The following SLC23A2 variants were observed in gnomAD, a reference collection of about 807,000 sequenced individuals.
SLC23A2 encodes the protein Na(+)/L-ascorbic acid transporter 2.
Under a neutral mutation model 73.3 loss-of-function variants are expected in SLC23A2, and 36 were observed. The ratio of observed to expected loss-of-function variants is 0.49; its 90% CI spans 0.38 to 0.65. The LOEUF is 0.65. SLC23A2 is among the 30% of genes least tolerant of loss of function. The pLI is 0.00. For synonymous variants in SLC23A2, 343 were observed against 327.3 expected, an observed-to-expected ratio of 1.05 and a Z score of -0.52; for missense variants, 507 against 841.6, an observed-to-expected ratio of 0.60 and a Z score of 4.92.
chr20:4,902,484 T>G lies in SLC23A2; in HGVS notation c.282A>C (p.Glu94Asp). ...TACACAGGTACCAGGGAGGAACATC[T>G]TCTATGGTATAAATCATGTCTGATC... ...PQRSDMIYTI[E>D]DVPPWYLCIF... Residue 94 changes from glutamate (E) to aspartate (D), a missense_variant, in exon 5 of 17, where the codon GAA becomes GAC. Glu to Asp is a conservative substitution (Grantham distance 45). Around this residue, in one of 5 missense-constraint regions of SLC23A2, gnomAD observed 78 missense variants for 86.7 expected, o/e 0.90. Transcript: ENST00000338244. This position sits in a 1 kb window ranked among gnomAD's most constrained non-coding sequence, Gnocchi z 4.0. 2.5e-6 allele frequency: 4 copies of G among 1,612,638 alleles called. No homozygotes were observed. The highest frequency in any genetic ancestry group is 3.4e-6 in the Non-Finnish European group (4 of 1,179,036).
At chr20:4,887,723 T>C (rs1174548233) in intron 6 of SLC23A2, among the ~76,000 whole-genome samples, 1 of 151,958 alleles carries the variant, frequency 6.6e-6, no homozygotes, top group African/African-American at 2.4e-5. Context: ...ATAGAAAAAG[T>C]CTCCCGAGAT....
chr20:4,876,282 T>C (rs1930652515), intron 9 of SLC23A2, among the ~76,000 whole-genome samples: 1 of 152,188 alleles, frequency 6.6e-6, no homozygotes, highest in African/African-American at 2.4e-5. Flanking sequence ...TTTGTCATCA[T>C]TATTTCAGGC....
At chr20:4,944,871 A>G (rs900139062) in intron 2 of SLC23A2, among the ~76,000 whole-genome samples, 1 of 152,220 alleles carries the variant, frequency 6.6e-6, no homozygotes, top group Non-Finnish European at 1.5e-5. Flanking sequence ...TGGCTGCTCC[A>G]TTAAGTTCTG....
At chr20:4,912,667 CAAAAA>C (rs36084071) in intron 4 of SLC23A2, among the ~76,000 whole-genome samples, 11 of 73,992 alleles carry the variant, frequency 1.5e-4, no homozygotes, top group African/African-American at 4.4e-4. Context: ...TTAAAACAAT[CAAAAA>C]AAAAAAAAAA....
At chr20:4,884,290 T>A (rs1201376148) in intron 8 of SLC23A2, among the ~76,000 whole-genome samples, 1 of 152,248 alleles carries the variant, frequency 6.6e-6, no homozygotes, top group Non-Finnish European at 1.5e-5. Context: ...TGATGGTGAA[T>A]TATCTCACAC....
chr20:4,903,500 A>G (rs1256102415), intron 4 of SLC23A2, among the ~76,000 whole-genome samples: 1 of 152,248 alleles, frequency 6.6e-6, no homozygotes, highest in Non-Finnish European at 1.5e-5. Flanking sequence ...ATAACCTAGC[A>G]AACAAAGTGT....
At chr20:4,938,757 T>C (rs2086999085) in intron 2 of SLC23A2, among the ~76,000 whole-genome samples, 1 of 152,198 alleles carries the variant, frequency 6.6e-6, no homozygotes, top group Non-Finnish European at 1.5e-5. Context: ...AAGAGGTGAC[T>C]ATGGGGCCTA....
intron 1 of SLC23A2, among the ~76,000 whole-genome samples, chr20:5,006,637 C>T (rs1275634217): frequency 6.6e-6 from 1 of 150,538 alleles, no homozygotes; most frequent in Non-Finnish European, 1.5e-5. Context: ...ACAATCTTGG[C>T]TCAAGCAATT....
Position 4,859,355 on chromosome 20 carries a change from C to T in SLC23A2, c.1654G>A (p.Val552Ile), listed in dbSNP as rs149747182. The change falls in exon 16 of 17, where the codon GTC becomes ATC. Residue 552 changes from valine to isoleucine, a missense_variant. Around this residue, in one of 5 missense-constraint regions of SLC23A2, gnomAD observed 168 missense variants for 302.3 expected, o/e 0.56. Transcript: ENST00000338244. ...ACAAACATAGCAGTTGTGAGAAGGA[C>T]GTTCAACACTTGATCGATTCCTGTT... ...GITGIDQVLN[V>I]LLTTAMFVGG... is the part of the protein sequence containing the mutation. 5 of 1,612,808 alleles carry T rather than the reference C, an allele frequency of 3.1e-6. No homozygotes were observed. The highest frequency in any genetic ancestry group is 2.2e-5 in the East Asian group (1 of 44,872).
intron 3 of SLC23A2, among the ~76,000 whole-genome samples, chr20:4,931,896 C>T (rs1025245482): frequency 5.3e-5 from 8 of 152,150 alleles, no homozygotes; most frequent in African/African-American, 1.9e-4. Flanking sequence ...GTTTTTAAAC[C>T]AACACATTAT....
chr20:5,007,317 G>A (rs1182404908), intron 1 of SLC23A2, among the ~76,000 whole-genome samples: 1 of 152,130 alleles, frequency 6.6e-6, no homozygotes, highest in Non-Finnish European at 1.5e-5. Flanking sequence ...GACCACTTGA[G>A]GTCAGGAGTT....
rs771051141 is a variant in SLC23A2 at position 4,899,214 on chromosome 20, A to G, written c.482+341T>C. ...GCAGTGCCCTGGAGGCAGGGAAGCC[A>G]ACGGGGAGCCTGGTGGGACACTCTG... On this transcript the variant is annotated intron_variant, in intron 6 of 16. Coordinates refer to ENST00000338244, the MANE Select transcript of SLC23A2 (RefSeq NM_005116.6). This position sits in a 1 kb window ranked among gnomAD's most constrained non-coding sequence, Gnocchi z 4.9. Among the ~76,000 whole-genome samples the G allele has an allele frequency of 4.6e-5, 7 of 152,200 alleles. No homozygotes were observed. Among genetic ancestry groups the G allele is most frequent in the Non-Finnish European group, 1.0e-4 (7 of 68,030 alleles).
chr20:4,960,162 T>G (rs1254582175), intron 2 of SLC23A2, among the ~76,000 whole-genome samples: 1 of 152,172 alleles, frequency 6.6e-6, no homozygotes, highest in South Asian at 2.1e-4. Flanking sequence ...AAACATCAAC[T>G]AGTGAATATC....
intron 2 of SLC23A2, among the ~76,000 whole-genome samples, chr20:4,969,831 A>G (rs2087534970): frequency 6.6e-6 from 1 of 152,150 alleles, no homozygotes; most frequent in South Asian, 2.1e-4. Flanking sequence ...ACATGTATCA[A>G]ATTTTAAAAG....
chr20:4,996,708 AAC>A (rs1555809858), intron 1 of SLC23A2, among the ~76,000 whole-genome samples: 43,480 of 141,776 alleles, frequency 0.31, 7,556 homozygotes, highest in Non-Finnish European at 0.38. Context: ...AAAAAAAAAA[AAC>A]AACAACTCAT....
chr20:4,981,230 C>G (rs550970144), intron 1 of SLC23A2, among the ~76,000 whole-genome samples: 10 of 152,318 alleles, frequency 6.6e-5, no homozygotes, highest in Admixed American at 6.5e-4. Context: ...CATAATCATT[C>G]AATTTCTCAG....
Position 4,873,997 on chromosome 20 carries a change from A to G in SLC23A2, c.1041T>C (p.Ala347=), listed in dbSNP as rs752536053. Residue 347 remains alanine, a synonymous_variant, in exon 11 of 17, where the codon GCT becomes GCC. Transcript: ENST00000338244. ...PPDSTKYGFY[A]RTDARQGVLL... The stretch of plus-strand genomic sequence containing the variant: ...GCACGCCTTGCCTGGCATCTGTGCG[A>G]GCATAGAAGCCATACTTTGTGCTGT... 1.8e-5 allele frequency: 29 copies of G among 1,614,028 alleles called. No homozygotes were observed. Among genetic ancestry groups the G allele is most frequent in the Non-Finnish European group, 2.4e-5 (28 of 1,179,998 alleles).
In SLC23A2 at chr20:4,869,923, G is replaced by A. The variant is rs762763708; in HGVS notation, c.1233C>T (p.Pro411=). Residue 411 remains proline, a synonymous_variant, in exon 12 of 17, where the codon CCC becomes CCT. Coordinates refer to ENST00000338244, the MANE Select transcript of SLC23A2 (RefSeq NM_005116.6). ...CARLSCAPPP[P]IHAINRGIFV... ...GAACGTACCTGTTTATTGCGTGGAT[G>A]GGGGGGGGTGGGGCACAGGACAGCC... is the stretch of plus-strand genomic sequence containing the variant. The A allele has an allele frequency of 3.2e-5, 42 of 1,326,466 alleles. No individual in the cohort carries two copies. Among genetic ancestry groups the A allele is most frequent in the Non-Finnish European group, 4.3e-5 (41 of 960,946 alleles). 82.2% of individuals were successfully genotyped at this position (1,326,466 alleles called of 1,614,324 possible).
chr20:4,896,613 A>G (rs1931532090), intron 6 of SLC23A2, among the ~76,000 whole-genome samples: 1 of 152,186 alleles, frequency 6.6e-6, no homozygotes, highest in South Asian at 2.1e-4. Flanking sequence ...AGGGACCCCC[A>G]GGACGAGAAA....
Sources: allele counts gnomAD v4.1 joint callset (sites outside exome capture counted in the v4.1 genomes callset), GRCh38; gene constraint gnomAD v4.1.1; regional missense constraint gnomAD v4.1.1; non-coding constraint Gnocchi (gnomAD v3.1); transcripts MANE v1.5; gene names NCBI Gene and HGNC (gene_info 2026-07-23, HGNC 2026-07-21).